COX7B2: variants seen among roughly 807,000 people sequenced by gnomAD.
The protein encoded by COX7B2 is cytochrome c oxidase subunit 7B2, also known as cytochrome c oxidase subunit 7B2, mitochondrial.
For synonymous variants in COX7B2, 37 were observed against 32.1 expected, an observed-to-expected ratio of 1.15 and a Z score of -0.51; for missense variants, 109 against 95.9, an observed-to-expected ratio of 1.14 and a Z score of -0.57.
intron 2 of COX7B2, among the ~76,000 whole-genome samples, chr4:46,793,977 A>G (rs1020885102): frequency 6.6e-6 from 1 of 152,132 alleles, no homozygotes; most frequent in African/African-American, 2.4e-5. Context: ...GGAAAGTATA[A>G]TGGCCTCCCC....
intron 2 of COX7B2, among the ~76,000 whole-genome samples, chr4:46,785,275 C>T (rs1429896015): frequency 6.6e-6 from 1 of 151,788 alleles, no homozygotes; most frequent in Non-Finnish European, 1.5e-5. Flanking sequence ...GAAACAACTA[C>T]CAAATATTTA....
intron 2 of COX7B2, among the ~76,000 whole-genome samples, chr4:46,841,335 C>CTCTGTG (rs369138916): frequency 7.2e-6 from 1 of 139,794 alleles, no homozygotes; most frequent in African/African-American, 2.7e-5. Context: ...CAAATGTGCT[C>CTCTGTG]TGTGTGTGTG....
chr4:46,877,171 A>G (rs1009706374), intron 1 of COX7B2, among the ~76,000 whole-genome samples: 4 of 152,212 alleles, frequency 2.6e-5, no homozygotes, highest in Non-Finnish European at 5.9e-5. Context: ...GGGAGTGGTA[A>G]GTAGAGGACA....
chr4:46,903,684 T>G (rs973775956), intron 1 of COX7B2, among the ~76,000 whole-genome samples: 6 of 152,202 alleles, frequency 3.9e-5, no homozygotes, highest in Admixed American at 3.9e-4. Flanking sequence ...TTTGCTATGT[T>G]TATATATGTT....
intron 1 of COX7B2, among the ~76,000 whole-genome samples, chr4:46,879,723 CAA>C (rs200373474): frequency 2.2e-5 from 3 of 139,128 alleles, no homozygotes; most frequent in Admixed American, 7.0e-5. Flanking sequence ...ACGAAGACCT[CAA>C]AAAAAAAAAA....
At chr4:46,802,907 A>T (rs930424381) in intron 2 of COX7B2, among the ~76,000 whole-genome samples, 2 of 152,164 alleles carry the variant, frequency 1.3e-5, no homozygotes, top group African/African-American at 4.8e-5. Flanking sequence ...GGGGGATTCC[A>T]GTAATGCTTA....
At chr4:46,904,249 G>A (rs1285715612) in intron 1 of COX7B2, among the ~76,000 whole-genome samples, 2 of 151,548 alleles carry the variant, frequency 1.3e-5, no homozygotes, top group Admixed American at 1.3e-4. Flanking sequence ...GAAAAATCAG[G>A]GTCAAAAGAC....
At chr4:46,777,767 T>A (rs532043090) in intron 2 of COX7B2, among the ~76,000 whole-genome samples, 2 of 152,196 alleles carry the variant, frequency 1.3e-5, no homozygotes, top group Non-Finnish European at 2.9e-5. Context: ...ACATTGCAGC[T>A]GGTTCAGTCC....
intron 1 of COX7B2, among the ~76,000 whole-genome samples, chr4:46,880,012 A>G (rs1287843094): frequency 6.6e-6 from 1 of 152,082 alleles, no homozygotes; most frequent in Non-Finnish European, 1.5e-5. Context: ...GTGGTGAGAG[A>G]GGGCATCCTT....
chr4:46,881,011 A>AAAAAAAAAAAAAT (rs1197072002), intron 1 of COX7B2, among the ~76,000 whole-genome samples: 2 of 148,852 alleles, frequency 1.3e-5, no homozygotes, highest in African/African-American at 2.5e-5. Flanking sequence ...AAAAAAAAAA[A>AAAAAAAAAAAAAT]CTCTTGGATT....
At chr4:46,744,692 C>T (rs1313718991) in intron 2 of COX7B2, among the ~76,000 whole-genome samples, 1 of 150,926 alleles carries the variant, frequency 6.6e-6, no homozygotes, top group South Asian at 2.1e-4. Context: ...TAAAAGTATA[C>T]AGGAAACATT....
chr4:46,789,162 A>T (rs1280534462), intron 2 of COX7B2, among the ~76,000 whole-genome samples: 1 of 152,176 alleles, frequency 6.6e-6, no homozygotes, highest in East Asian at 1.9e-4. Context: ...ACATTCAAAG[A>T]TTAGGAAGTT....
At chr4:46,814,683 A>G (rs968797215) in intron 2 of COX7B2, among the ~76,000 whole-genome samples, 6 of 152,190 alleles carry the variant, frequency 3.9e-5, no homozygotes, top group Non-Finnish European at 7.3e-5. Context: ...ATTTTAATTA[A>G]TTATACTGCA....
chr4:46,783,190 C>G (rs754556078), intron 2 of COX7B2, among the ~76,000 whole-genome samples: 11 of 152,146 alleles, frequency 7.2e-5, no homozygotes, highest in Non-Finnish European at 1.5e-4. Flanking sequence ...TGGAATATTG[C>G]AACACTGTTT....
At chr4:46,743,713 G>A (rs1577649334) in intron 2 of COX7B2, among the ~76,000 whole-genome samples, 1 of 152,294 alleles carries the variant, frequency 6.6e-6, no homozygotes, top group South Asian at 2.1e-4. Flanking sequence ...GTGATTCTTT[G>A]AGAGGGATGG....
rs1183293580 is a variant in COX7B2 at position 46,744,765 on chromosome 4, C to T, written c.-49-9524G>A. Among the ~76,000 whole-genome samples the T allele has an allele frequency of 1.9e-4, 23 of 119,514 alleles. No homozygotes were observed. In the Admixed American group the frequency reaches 2.3e-3, roughly 12 times the overall value. The allele number at this position is 119,514 out of a possible 152,430, so 78.4% of individuals were successfully genotyped here. A position where few individuals can be genotyped will look rare whatever the true frequency, so the allele number is the denominator to read the frequency against. Reference sequence around the variant, plus strand: ...TTTTTTTTTTTTTTTTTTTGGGAGACGGAGTCTCTCTCTGTCACCTAGGCT... The same window carrying T: ...TTTTTTTTTTTTTTTTTTTGGGAGATGGAGTCTCTCTCTGTCACCTAGGCT... On this transcript the variant is annotated intron_variant, in intron 2 of 2. Coordinates refer to ENST00000355591, the MANE Select transcript of COX7B2 (RefSeq NM_130902.3).
chr4:46,853,335 C>A (rs1560420769), intron 1 of COX7B2, among the ~76,000 whole-genome samples: 1 of 152,098 alleles, frequency 6.6e-6, no homozygotes, highest in Non-Finnish European at 1.5e-5. Context: ...TCATTTAACC[C>A]TTCCTCTTTT....
intron 2 of COX7B2, among the ~76,000 whole-genome samples, chr4:46,834,939 C>CA (rs1715404867): frequency 1.3e-5 from 2 of 151,836 alleles, no homozygotes; most frequent in Non-Finnish European, 1.5e-5. Context: ...AACTTCAAAA[C>CA]AAAAAAATCC....
intron 2 of COX7B2, among the ~76,000 whole-genome samples, chr4:46,797,236 C>T (rs1369339412): frequency 6.6e-6 from 1 of 150,894 alleles, no homozygotes; most frequent in African/African-American, 2.4e-5. Flanking sequence ...GCCAGAATAA[C>T]TGTACACTGG....
Sources: allele counts gnomAD v4.1 joint callset (sites outside exome capture counted in the v4.1 genomes callset), GRCh38; gene constraint gnomAD v4.1.1; transcripts MANE v1.5; gene names NCBI Gene and HGNC (gene_info 2026-07-23, HGNC 2026-07-21).